Variants in RFX8 observed in about 807,000 individuals in gnomAD.
RFX8 encodes regulatory factor X8.
In RFX8, 46 loss-of-function variants were observed where a neutral mutation model predicts 54.6. That is an observed-to-expected ratio of 0.84 (90% confidence interval 0.67 to 1.08). The LOEUF is 1.08. RFX8 is among the 50% of genes least tolerant of loss of function. The pLI is 0.00. For missense variants in RFX8, 536 were observed against 562.3 expected (o/e 0.95, Z 0.47); for synonymous variants, 192 against 209.5 (o/e 0.92, Z 0.72).
chr2:101,422,534 ATCT>A (rs1401936615), intron 2 of RFX8, 62 bp from the exon 3 acceptor site: 19 of 969,790 alleles, frequency 2.0e-5, no homozygotes, highest in African/African-American at 8.1e-5. Flanking sequence ...TGGCATATAA[ATCT>A]TCTTATGATC....
intron 1 of RFX8, chr2:101,474,361 G>T: frequency 2.4e-6 from 1 of 414,222 alleles, no homozygotes; most frequent in Non-Finnish European, 4.3e-6. Flanking sequence ...TGCTACCGCC[G>T]CTCCTCGGTG....
At chr2:101,413,448 G>A (rs1346944917) in intron 7 of RFX8, among the ~76,000 whole-genome samples, 2 of 152,140 alleles carry the variant, frequency 1.3e-5, no homozygotes, top group Non-Finnish European at 2.9e-5. Context: ...TGCGGGATTC[G>A]GAAGCTGGCT....
Position 101,397,452 on chromosome 2 carries a change from T to C in RFX8, c.*96A>G, listed in dbSNP as rs1366705409. The C allele has an allele frequency of 1.9e-5, 15 of 781,132 alleles. No individual in the cohort carries two copies. The Admixed American group carries it at 4.7e-4, about 24-fold the overall frequency. 48.4% of individuals were successfully genotyped at this position (781,132 alleles called of 1,614,324 possible). The stretch of plus-strand genomic sequence containing the variant: ...GACAATGCTACATCTATTATATACA[T>C]AACATCATCTTTCGTCAATAGAAAA... On this transcript the variant is annotated 3_prime_UTR_variant, in exon 12 of 12. Coordinates refer to ENST00000428343, the MANE Select transcript of RFX8 (RefSeq NM_001145664.2).
chr2:101,466,913 A>G lies in RFX8; in HGVS notation c.-52-13T>C. The G allele has an allele frequency of 2.6e-6, 3 of 1,172,746 alleles. No individual in the cohort carries two copies. Among genetic ancestry groups the G allele is most frequent in the Non-Finnish European group, 3.7e-6 (3 of 805,170 alleles). 72.6% of individuals were successfully genotyped at this position (1,172,746 alleles called of 1,614,324 possible). ...GTTGTCGACCAACCTGGAGGAGAGG[A>G]GGACAAGGAGGAGGAAATTGGCATT... On this transcript the variant is annotated splice_polypyrimidine_tract_variant and intron_variant, in intron 1 of 11. Transcript: ENST00000428343.
intron 1 of RFX8, among the ~76,000 whole-genome samples, chr2:101,467,395 T>C (rs1420874875): frequency 1.3e-5 from 2 of 152,224 alleles, no homozygotes; most frequent in African/African-American, 4.8e-5. Flanking sequence ...CTCTGATCCC[T>C]GTTCCTCTGA....
intron 2 of RFX8, among the ~76,000 whole-genome samples, chr2:101,430,717 T>G (rs1246787616): frequency 6.6e-6 from 1 of 152,182 alleles, no homozygotes; most frequent in African/African-American, 2.4e-5. Context: ...CTCAATGATA[T>G]CTTGGGTAGG....
chr2:101,419,969 A>G (rs1183167090), intron 4 of RFX8, among the ~76,000 whole-genome samples: 2 of 152,172 alleles, frequency 1.3e-5, no homozygotes, highest in Non-Finnish European at 2.9e-5. Flanking sequence ...CCCGCGTCCA[A>G]GTCACCAAAC....
In RFX8 at chr2:101,466,403, C is replaced by T. The variant is rs1033373796; in HGVS notation, c.72+374G>A. Among the ~76,000 whole-genome samples, 4 of 152,096 alleles carry T rather than the reference C, an allele frequency of 2.6e-5. No individual in the cohort carries two copies. In the South Asian group the frequency reaches 8.3e-4, roughly 32 times the overall value. ...CCAAATTGTGAGAAACATCAGTTGT[C>T]TGACATCACAAAGTGGCTCTCAGCT... On this transcript the variant is annotated intron_variant, in intron 2 of 11. Transcript: ENST00000428343.
chr2:101,428,879 A>T, intron 2 of RFX8: 1 of 895,802 alleles, frequency 1.1e-6, no homozygotes, highest in Non-Finnish European at 1.8e-6. Flanking sequence ...ACAGAAAAAC[A>T]GCTGGATCGA....
At chr2:101,451,744 A>G (rs1382293014) in intron 2 of RFX8, among the ~76,000 whole-genome samples, 1 of 151,486 alleles carries the variant, frequency 6.6e-6, no homozygotes, top group Non-Finnish European at 1.5e-5. Context: ...CCTCCGGAAT[A>G]TAATTCAAAT....
At chr2:101,412,876 C>T (rs752348077) in intron 8 of RFX8, 39 bp downstream of exon 8, 2 of 1,530,980 alleles carry the variant, frequency 1.3e-6, no homozygotes, top group South Asian at 2.4e-5. Flanking sequence ...AAATCTATGC[C>T]CAACACGCCA....
At chr2:101,473,383 T>C (rs935563716) in intron 1 of RFX8, among the ~76,000 whole-genome samples, 3 of 152,186 alleles carry the variant, frequency 2.0e-5, no homozygotes, top group African/African-American at 7.2e-5. Flanking sequence ...AAAAACGCTG[T>C]GTACTTCAGT....
At chr2:101,417,897 GTTTA>G (rs1558850733) in intron 5 of RFX8, among the ~76,000 whole-genome samples, 2 of 151,994 alleles carry the variant, frequency 1.3e-5, no homozygotes, top group Admixed American at 6.6e-5. Context: ...CAATATTTTT[GTTTA>G]TTTATTTGAG....
chr2:101,397,811 C>T (rs1467814207), intron 11 of RFX8, 87 bp from the exon 12 acceptor site: 1 of 1,163,384 alleles, frequency 8.6e-7, no homozygotes, highest in Non-Finnish European at 1.2e-6. Context: ...AATTCTTCTA[C>T]CAAGCCCGTG....
At chr2:101,427,980 C>G (rs1687275155) in intron 2 of RFX8, among the ~76,000 whole-genome samples, 1 of 152,258 alleles carries the variant, frequency 6.6e-6, no homozygotes, top group South Asian at 2.1e-4. Flanking sequence ...CCCCCCGCCC[C>G]CCGCAGGGTC....
At chr2:101,459,748 G>A (rs1201268759) in intron 2 of RFX8, among the ~76,000 whole-genome samples, 2 of 152,164 alleles carry the variant, frequency 1.3e-5, no homozygotes, top group Non-Finnish European at 2.9e-5. Flanking sequence ...TGTGCTGGGA[G>A]AACCACGGCT....
intron 6 of RFX8, among the ~76,000 whole-genome samples, chr2:101,416,199 G>C (rs76866419): frequency 0.096 from 14,666 of 152,082 alleles, 771 homozygotes; most frequent in Non-Finnish European, 0.11. Context: ...GCTGGGGAGG[G>C]GGGTGGAAGA....
intron 2 of RFX8, among the ~76,000 whole-genome samples, chr2:101,465,853 G>T (rs1573489861): frequency 6.6e-6 from 1 of 152,316 alleles, no homozygotes; most frequent in South Asian, 2.1e-4. Context: ...GGACTGCGTT[G>T]CACCCTTGGG....
intron 3 of RFX8, among the ~76,000 whole-genome samples, 185 bp downstream of exon 3, chr2:101,422,177 G>T (rs1686905091): frequency 6.6e-6 from 1 of 152,184 alleles, no homozygotes; most frequent in Non-Finnish European, 1.5e-5. Context: ...CATAGGATGT[G>T]ATAGGGAACC....
Sources: allele counts gnomAD v4.1 joint callset (sites outside exome capture counted in the v4.1 genomes callset), GRCh38; gene constraint gnomAD v4.1.1; transcripts MANE v1.5; gene names NCBI Gene and HGNC (gene_info 2026-07-23, HGNC 2026-07-21).